The following SLC24A3 variants were observed in gnomAD, a reference collection of about 807,000 sequenced individuals.
The protein encoded by SLC24A3 is sodium/potassium/calcium exchanger 3.
In SLC24A3, 28 loss-of-function variants were observed where a neutral mutation model predicts 75.8. The observed-to-expected ratio is 0.37, with a 90% CI of 0.27 to 0.51. SLC24A3 has a LOEUF of 0.51. SLC24A3 is among the 20% of genes least tolerant of loss of function. The pLI, the probability that SLC24A3 is intolerant of heterozygous loss-of-function variation, is 0.94. For synonymous variants in SLC24A3, 372 were observed against 334.1 expected (o/e 1.11, Z -1.24); for missense variants, 663 against 847.8 (o/e 0.78, Z 2.71).
intron 2 of SLC24A3, among the ~76,000 whole-genome samples, chr20:19,343,073 AAAAAAAAAAAAG>A (rs1310884192): frequency 6.7e-6 from 1 of 148,576 alleles, no homozygotes; most frequent in Non-Finnish European, 1.5e-5. Flanking sequence ...CCATCTCAAA[AAAAAAAAAAAAG>A]AAAAAAGAAA....
Position 19,273,529 on chromosome 20 carries a change from GC to G in SLC24A3, c.143-7429del, listed in dbSNP as rs375833832. Among the ~76,000 whole-genome samples, 308 of 152,302 alleles carry G rather than the reference GC, an allele frequency of 2.0e-3. 8 individuals are homozygous for G. In the South Asian group the frequency reaches 0.06, roughly 29 times the overall value. On this transcript the variant is annotated intron_variant, in intron 1 of 16. Transcript: ENST00000328041. Reference sequence around the variant, plus strand: ...GCAGCCCTCTGCCAGGTGCTTGCAGGCTCTGCAGTCTCCCTTTGCTGATCCT... The same window carrying G: ...GCAGCCCTCTGCCAGGTGCTTGCAGGTCTGCAGTCTCCCTTTGCTGATCCT...
rs535077580 is a variant in SLC24A3, at chr20:19,705,407, G to A, written c.1719+6727G>A. On this transcript the variant is annotated intron_variant, in intron 15 of 16. Coordinates refer to ENST00000328041, the MANE Select transcript of SLC24A3 (RefSeq NM_020689.4). ...CTCAGCCACACTGGGCAGGGTGGGG[G>A]ACATCACCATGGAGCTCATGCCGAA... 2.6e-5 allele frequency among the ~76,000 whole-genome samples: 4 copies of A among 152,310 alleles called. No homozygotes were observed. In the East Asian group the frequency reaches 7.7e-4, roughly 29 times the overall value.
rs556426309 is a variant in SLC24A3, at chr20:19,678,299, C to T, written c.768-3559C>T. On this transcript the variant is annotated intron_variant, in intron 9 of 16. Coordinates refer to ENST00000328041, the MANE Select transcript of SLC24A3 (RefSeq NM_020689.4). ...GTAGGGGCGGCCGGGCAGAGGCACC[C>T]CTCACCTCCCAGACGGGGCGGCTGG... Among the ~76,000 whole-genome samples the T allele has an allele frequency of 6.3e-3, 871 of 138,140 alleles. 39 individuals are homozygous for T. The highest frequency in any genetic ancestry group is 0.028 in the Middle Eastern group (8 of 288). The allele number at this position is 138,140 out of a possible 152,430, so 90.6% of individuals were successfully genotyped here. A position where few individuals can be genotyped will look rare whatever the true frequency, so the allele number is the denominator to read the frequency against.
chr20:19,686,593 A>G (rs1306591097), intron 12 of SLC24A3, among the ~76,000 whole-genome samples: 20 of 152,164 alleles, frequency 1.3e-4, no homozygotes, highest in Admixed American at 1.3e-3. Context: ...CGTTTGATTG[A>G]CTTGAAAGCC....
chr20:19,683,166 A>G (rs1006534459), intron 10 of SLC24A3, among the ~76,000 whole-genome samples: 1 of 152,210 alleles, frequency 6.6e-6, no homozygotes, highest in Admixed American at 6.5e-5. Context: ...ATGATTATAC[A>G]TATGTTTAAC....
At chr20:19,568,721 A>G (rs1309463071) in intron 3 of SLC24A3, among the ~76,000 whole-genome samples, 3 of 152,248 alleles carry the variant, frequency 2.0e-5, no homozygotes. Flanking sequence ...ACTGAACTGT[A>G]GATTTTAAAA....
At chr20:19,517,102 C>A (rs905020664) in intron 3 of SLC24A3, among the ~76,000 whole-genome samples, 2 of 152,128 alleles carry the variant, frequency 1.3e-5, no homozygotes, top group Non-Finnish European at 2.9e-5. Context: ...GCCTTTGCAA[C>A]CCCCCAGCCC....
intron 3 of SLC24A3, among the ~76,000 whole-genome samples, chr20:19,544,306 G>A (rs1424354841): frequency 6.6e-6 from 1 of 152,140 alleles, no homozygotes; most frequent in Non-Finnish European, 1.5e-5. Context: ...CAGTGTGCAC[G>A]TGGCCCTGTA....
At chr20:19,503,290 G>A (rs912481465) in intron 2 of SLC24A3, among the ~76,000 whole-genome samples, 2 of 152,156 alleles carry the variant, frequency 1.3e-5, no homozygotes, top group Non-Finnish European at 2.9e-5. Flanking sequence ...CCAGAGCCCT[G>A]TGACAGTTCA....
intron 2 of SLC24A3, among the ~76,000 whole-genome samples, chr20:19,412,634 G>A (rs2122422948): frequency 6.7e-6 from 1 of 149,800 alleles, no homozygotes; most frequent in Non-Finnish European, 1.5e-5. Flanking sequence ...AGGAGGAGGG[G>A]GGGAGGAGGA....
Position 19,423,339 on chromosome 20 carries a change from A to G in SLC24A3, c.272-92149A>G, listed in dbSNP as rs188893900. Among the ~76,000 whole-genome samples the G allele has an allele frequency of 3.5e-4, 54 of 152,284 alleles. 2 individuals are homozygous for G. Among genetic ancestry groups the G allele is most frequent in the Admixed American group, 2.9e-3 (44 of 15,302 alleles). ...GCCCCAACTGCAGAAACTGAATCCT[A>G]GCAGCAGGGTGAGTGCAAAGTGATA... On this transcript the variant is annotated intron_variant, in intron 2 of 16. Transcript: ENST00000328041.
intron 2 of SLC24A3, among the ~76,000 whole-genome samples, chr20:19,350,984 T>C (rs1381591025): frequency 6.6e-6 from 1 of 152,210 alleles, no homozygotes. Context: ...GTAGACTTTA[T>C]ACATATTAAT....
intron 2 of SLC24A3, among the ~76,000 whole-genome samples, chr20:19,352,923 G>C (rs1054440700): frequency 6.6e-6 from 1 of 152,186 alleles, no homozygotes; most frequent in African/African-American, 2.4e-5. Context: ...CCTTATCACC[G>C]AGTGACATCA....
chr20:19,348,948 C>T (rs1476642907), intron 2 of SLC24A3, among the ~76,000 whole-genome samples: 2 of 152,112 alleles, frequency 1.3e-5, no homozygotes, highest in Non-Finnish European at 2.9e-5. Context: ...TTCCCTTCCA[C>T]GTGACACCCA....
chr20:19,658,855 C>T (rs935482668), intron 7 of SLC24A3, among the ~76,000 whole-genome samples: 4 of 152,202 alleles, frequency 2.6e-5, no homozygotes, highest in African/African-American at 9.6e-5. Flanking sequence ...TCCTCTGCCC[C>T]CAGTGAGCAC....
intron 1 of SLC24A3, chr20:19,266,149 A>G (rs1277206768): frequency 6.6e-6 from 1 of 152,198 alleles, no homozygotes; most frequent in East Asian, 1.9e-4. Context: ...ACTGGGGCCA[A>G]TAAGAAAAAA....
At chr20:19,695,452 A>C (rs2032793433) in intron 13 of SLC24A3, 1 of 152,032 alleles carries the variant, frequency 6.6e-6, no homozygotes, top group African/African-American at 2.4e-5. Flanking sequence ...TTTTGCCACC[A>C]GCTCCCTCAT....
chr20:19,378,179 C>T (rs1054640725), intron 2 of SLC24A3, among the ~76,000 whole-genome samples: 1 of 152,062 alleles, frequency 6.6e-6, no homozygotes, highest in African/African-American at 2.4e-5. Flanking sequence ...TTAGGTTGAG[C>T]ATGGTCACAA....
chr20:19,238,966 G>GCACACA (rs60649887), intron 1 of SLC24A3, among the ~76,000 whole-genome samples: 1,522 of 148,926 alleles, frequency 0.01, 34 homozygotes, highest in East Asian at 0.046. Flanking sequence ...ATGGGCGCAT[G>GCACACA]CACACACACA....
Sources: allele counts gnomAD v4.1 joint callset (sites outside exome capture counted in the v4.1 genomes callset), GRCh38; gene constraint gnomAD v4.1.1; transcripts MANE v1.5; gene names NCBI Gene and HGNC (gene_info 2026-07-23, HGNC 2026-07-21).